The following ARHGEF10L variants were observed in gnomAD, a reference collection of about 807,000 sequenced individuals.
ARHGEF10L encodes the protein rho guanine nucleotide exchange factor 10-like protein.
Under a neutral mutation model 141.2 loss-of-function variants are expected in ARHGEF10L, and 69 were observed. That is an observed-to-expected ratio of 0.49 (90% CI 0.40 to 0.60). ARHGEF10L has a LOEUF of 0.60. ARHGEF10L is among the 20% of genes least tolerant of loss of function. The pLI is 0.00. For missense variants in ARHGEF10L, 1,482 were observed against 1,734.3 expected (o/e 0.85, Z 2.58); for synonymous variants, 711 against 718.5 (o/e 0.99, Z 0.17).
At chr1:17,565,020 C>T (rs1009701754) in intron 1 of ARHGEF10L, among the ~76,000 whole-genome samples, 3 of 152,184 alleles carry the variant, frequency 2.0e-5, no homozygotes, top group African/African-American at 4.8e-5. Context: ...AACGAAATGC[C>T]GTGACTCTTA....
chr1:17,523,887 AC>A, the ARHGEF10L span, among the ~76,000 whole-genome samples: 2 of 152,208 alleles, frequency 1.3e-5, no homozygotes, highest in African/African-American at 4.8e-5. Flanking sequence ...TGGCACATGC[AC>A]ACAGAGAGTT....
chr1:17,593,441 A>T (rs2079771786), intron 4 of ARHGEF10L, among the ~76,000 whole-genome samples: 1 of 152,052 alleles, frequency 6.6e-6, no homozygotes, highest in African/African-American at 2.4e-5. Context: ...AGATGGGGAG[A>T]TGACCCTGGG....
chr1:17,690,719 G>A (rs567804765), intron 27 of ARHGEF10L, among the ~76,000 whole-genome samples: 25 of 152,308 alleles, frequency 1.6e-4, no homozygotes, highest in African/African-American at 5.5e-4. Flanking sequence ...CTGGGGCCCT[G>A]CCAGACCAGT....
At chr1:17,565,004 A>C (rs2077691489) in intron 1 of ARHGEF10L, among the ~76,000 whole-genome samples, 1 of 152,232 alleles carries the variant, frequency 6.6e-6, no homozygotes, top group Non-Finnish European at 1.5e-5. Flanking sequence ...CCATTCGGGC[A>C]GCTGTAACGA....
chr1:17,645,461 C>T (rs1019087180), intron 21 of ARHGEF10L, among the ~76,000 whole-genome samples: 4 of 152,016 alleles, frequency 2.6e-5, no homozygotes, highest in African/African-American at 9.7e-5. Context: ...GAGCTCTGGG[C>T]GCCCTGGTGA....
chr1:17,658,695 C>G (rs1454264350), intron 25 of ARHGEF10L, among the ~76,000 whole-genome samples: 1 of 152,112 alleles, frequency 6.6e-6, no homozygotes, highest in East Asian at 1.9e-4. Context: ...TCTCATGGAG[C>G]TTACAGTCTA....
chr1:17,656,113 C>A lies in ARHGEF10L; in HGVS notation c.2705+11C>A. On this transcript the variant is annotated intron_variant, in intron 24 of 28. Coordinates refer to ENST00000361221, the MANE Select transcript of ARHGEF10L (RefSeq NM_018125.4). The surrounding 1 kb of genome is among the most constrained non-coding windows in gnomAD (Gnocchi z 4.9). ...GCTCCAGGATGGCAGGTGAGGGGCC[C>A]GGAAGGAGGGGTGAGAGCAGCCTCT... The A allele has an allele frequency of 6.5e-7, 1 of 1,549,542 alleles. No homozygotes were observed.
At chr1:17,694,399 T>TA in intron 27 of ARHGEF10L, 1 of 158,538 alleles carries the variant, frequency 6.3e-6, no homozygotes, top group Admixed American at 5.9e-5. Flanking sequence ...TGGAGCCCTG[T>TA]TCTCAGCCAC....
In ARHGEF10L at chr1:17,653,378, G is replaced by A. The variant is rs534902004; in HGVS notation, c.2395-1258G>A. Among the ~76,000 whole-genome samples the A allele has an allele frequency of 4.6e-5, 7 of 152,216 alleles. No individual in the cohort carries two copies. In the South Asian group the frequency reaches 8.3e-4, roughly 18 times the overall value. On this transcript the variant is annotated intron_variant, in intron 22 of 28. Transcript: ENST00000361221. ...AGGGCCTTGCCTGTGAAGGAGAGGA[G>A]CCATTTGAGTATTTTCCACCATCTT...
intron 4 of ARHGEF10L, among the ~76,000 whole-genome samples, chr1:17,592,076 G>A (rs2079591332): frequency 6.6e-6 from 1 of 152,166 alleles, no homozygotes. Context: ...GTGCACTCAT[G>A]TCCACCCTGA....
intron 2 of ARHGEF10L, among the ~76,000 whole-genome samples, chr1:17,582,716 C>T (rs957294220): frequency 4.0e-5 from 6 of 151,654 alleles, no homozygotes; most frequent in Admixed American, 6.6e-5. Context: ...GAGCCCCAGC[C>T]CCTTCCTCTT....
At chr1:17,692,426 C>T (rs1306189228) in intron 27 of ARHGEF10L, among the ~76,000 whole-genome samples, 3 of 152,150 alleles carry the variant, frequency 2.0e-5, no homozygotes, top group Admixed American at 1.3e-4. Context: ...CTTCAACCCC[C>T]AAACCGGCTC....
chr1:17,650,503 C>A (rs1052011453), intron 22 of ARHGEF10L, among the ~76,000 whole-genome samples: 3 of 151,764 alleles, frequency 2.0e-5, no homozygotes, highest in Non-Finnish European at 2.9e-5. Context: ...GAGGCCAAGG[C>A]AGGTGGATCA....
intron 9 of ARHGEF10L, among the ~76,000 whole-genome samples, chr1:17,617,253 T>C (rs2059859584): frequency 6.6e-6 from 1 of 152,212 alleles, no homozygotes; most frequent in African/African-American, 2.4e-5. Flanking sequence ...GATCAATTGA[T>C]CATTCATGTG....
Position 17,656,175 on chromosome 1 carries a change from C to A in ARHGEF10L, c.2705+73C>A, listed in dbSNP as rs1342034576. On this transcript the variant is annotated intron_variant, in intron 24 of 28. Transcript: ENST00000361221. This position sits in a 1 kb window ranked among gnomAD's most constrained non-coding sequence, Gnocchi z 4.9. ...CAGTGGGTGGGGGCTGTCCCTGTAG[C>A]CTTCCGGATCTGCCTGTTGCCCACC... 20 of 1,458,882 alleles carry A rather than the reference C, an allele frequency of 1.4e-5. 1 individual carries two copies. The South Asian group carries it at 1.8e-4, about 13-fold the overall frequency. 90.4% of individuals were successfully genotyped at this position (1,458,882 alleles called of 1,614,324 possible). A position where few individuals can be genotyped will look rare whatever the true frequency, so the allele number is the denominator to read the frequency against.
At chr1:17,634,425 G>T in intron 16 of ARHGEF10L, 123 bp from the exon 17 acceptor site, 1 of 1,520,658 alleles carries the variant, frequency 6.6e-7, no homozygotes, top group Non-Finnish European at 9.1e-7. Context: ...CCCCGCAGGA[G>T]GCTGTCTCTC....
At chr1:17,643,450 G>A (rs1392597833) in intron 21 of ARHGEF10L, among the ~76,000 whole-genome samples, 4 of 152,160 alleles carry the variant, frequency 2.6e-5, no homozygotes, top group Non-Finnish European at 4.4e-5. Flanking sequence ...CCTGGGAAAG[G>A]CAGACTCCAT....
intron 21 of ARHGEF10L, among the ~76,000 whole-genome samples, chr1:17,647,726 C>T (rs2061682374): frequency 1.3e-5 from 2 of 151,946 alleles, no homozygotes; most frequent in Non-Finnish European, 2.9e-5. Flanking sequence ...GAAAGTAAGA[C>T]AGGGTCTTTA....
At chr1:17,578,847 T>C (rs2100470374) in intron 1 of ARHGEF10L, among the ~76,000 whole-genome samples, 1 of 152,308 alleles carries the variant, frequency 6.6e-6, no homozygotes, top group South Asian at 2.1e-4. Context: ...AAAAGGCAGT[T>C]GCAGCACTGT....
Sources: allele counts gnomAD v4.1 joint callset (sites outside exome capture counted in the v4.1 genomes callset), GRCh38; gene constraint gnomAD v4.1.1; non-coding constraint Gnocchi (gnomAD v3.1); transcripts MANE v1.5; gene names NCBI Gene and HGNC (gene_info 2026-07-23, HGNC 2026-07-21).